BCAR3: variants seen among roughly 807,000 people sequenced by gnomAD.
BCAR3 encodes the protein BCAR3 adaptor protein, NSP family member, also known as breast cancer anti-estrogen resistance protein 3.
In BCAR3, 37 loss-of-function variants were observed where a neutral mutation model predicts 80.1. The observed-to-expected ratio is 0.46, with a 90% confidence interval of 0.36 to 0.61. BCAR3 has a LOEUF of 0.61. Ranked by LOEUF, BCAR3 falls within the 20% of genes least tolerant of loss-of-function variation. The pLI, the probability that BCAR3 is intolerant of heterozygous loss-of-function variation, is 0.00. For synonymous variants in BCAR3, 389 were observed against 418.9 expected (o/e 0.93, Z 0.87); for missense variants, 978 against 1,068.2 (o/e 0.92, Z 1.18).
rs74486523 is a variant in BCAR3 at position 93,736,332 on chromosome 1, C to T, written c.-62-30190G>A. On this transcript the variant is annotated intron_variant, in intron 2 of 13. Transcript: ENST00000370244. Reference sequence around the variant, plus strand: ...CCTCCTGAGTAGATGGGATTACAAGCGCGTGCCACTGCACCCAGCTAATTT... The same window carrying T: ...CCTCCTGAGTAGATGGGATTACAAGTGCGTGCCACTGCACCCAGCTAATTT... Among the ~76,000 whole-genome samples the T allele has an allele frequency of 1.8e-4, 27 of 152,292 alleles. No individual in the cohort carries two copies. In the South Asian group the frequency reaches 2.3e-3, roughly 13 times the overall value.
At chr1:93,780,973 G>A (rs897010081) in intron 2 of BCAR3, among the ~76,000 whole-genome samples, 2 of 152,230 alleles carry the variant, frequency 1.3e-5, no homozygotes, top group Non-Finnish European at 2.9e-5. Context: ...CCTGGGTCAA[G>A]TGGGGCTGGC....
intron 2 of BCAR3, among the ~76,000 whole-genome samples, chr1:93,760,167 GAA>G (rs35204994): frequency 6.8e-6 from 1 of 147,846 alleles, no homozygotes; most frequent in Non-Finnish European, 1.5e-5. Context: ...TGGCCCACAG[GAA>G]AAAAAAAAGG....
intron 2 of BCAR3, among the ~76,000 whole-genome samples, chr1:93,716,569 T>C (rs960868074): frequency 2.0e-5 from 3 of 152,208 alleles, no homozygotes; most frequent in African/African-American, 7.2e-5. Flanking sequence ...TGGTTTCAAG[T>C]ACTGCAAGAT....
At chr1:93,691,334 G>A (rs1397371969) in intron 3 of BCAR3, among the ~76,000 whole-genome samples, 5 of 152,242 alleles carry the variant, frequency 3.3e-5, no homozygotes, top group Non-Finnish European at 7.3e-5. Context: ...GTTGCTGAGT[G>A]GGAAAAATGG....
chr1:93,660,336 G>C (rs1571017852), intron 2 of BCAR3, among the ~76,000 whole-genome samples: 1 of 152,202 alleles, frequency 6.6e-6, no homozygotes, highest in South Asian at 2.1e-4. Flanking sequence ...AATGAGACCA[G>C]ATGTTTTCAA....
intron 2 of BCAR3, among the ~76,000 whole-genome samples, chr1:93,739,653 G>A (rs1440585382): frequency 1.3e-5 from 2 of 152,126 alleles, no homozygotes; most frequent in Non-Finnish European, 2.9e-5. Flanking sequence ...CTCCCTACAT[G>A]TTCATTGTGC....
intron 2 of BCAR3, among the ~76,000 whole-genome samples, chr1:93,799,950 T>A (rs1653418450): frequency 6.6e-6 from 1 of 152,212 alleles, no homozygotes; most frequent in African/African-American, 2.4e-5. Context: ...TAAAGGAGTG[T>A]GTAGGGATTT....
At chr1:93,802,425 A>G (rs1653514103) in intron 2 of BCAR3, among the ~76,000 whole-genome samples, 1 of 152,200 alleles carries the variant, frequency 6.6e-6, no homozygotes, top group East Asian at 1.9e-4. Flanking sequence ...ACAGAGCTAA[A>G]TGGCCAAGAT....
chr1:93,698,376 G>C (rs1366417871), intron 3 of BCAR3, among the ~76,000 whole-genome samples: 1 of 152,216 alleles, frequency 6.6e-6, no homozygotes, highest in African/African-American at 2.4e-5. Flanking sequence ...AGAAAGTTTA[G>C]GAGAACATAA....
chr1:93,580,888 C>T lies in BCAR3; in HGVS notation c.1686+1413G>A, dbSNP rs773958726. 1.1e-3 allele frequency among the ~76,000 whole-genome samples: 171 copies of T among 152,264 alleles called. 1 individual carries two copies. The highest frequency in any genetic ancestry group is 6.8e-4 in the Non-Finnish European group (46 of 68,026). ...CAAAAAAATGGTGATGGGCCGGGTG[C>T]GGTGACTCACACCTGTGATCCCAGC... On this transcript the variant is annotated intron_variant, in intron 7 of 11. Coordinates refer to ENST00000260502, the MANE Select transcript of BCAR3 (RefSeq NM_003567.4).
At chr1:93,635,811 T>C (rs1675763358) in intron 3 of BCAR3, among the ~76,000 whole-genome samples, 1 of 152,234 alleles carries the variant, frequency 6.6e-6, no homozygotes, top group African/African-American at 2.4e-5. Context: ...AGCGTGCCAT[T>C]GTTTTTGTAA....
chr1:93,762,474 T>C (rs60299665), intron 2 of BCAR3, among the ~76,000 whole-genome samples: 17,804 of 152,154 alleles, frequency 0.12, 1,465 homozygotes, highest in African/African-American at 0.22. Flanking sequence ...GCAGTAGCAG[T>C]GGATGCAGAC....
intron 8 of BCAR3, among the ~76,000 whole-genome samples, chr1:93,573,084 GGA>G (rs1673284983): frequency 1.3e-5 from 2 of 152,144 alleles, no homozygotes; most frequent in African/African-American, 4.8e-5. Context: ...GTTGTGAGAA[GGA>G]GAGACTGTGT....
chr1:93,797,915 C>T (rs527851594), intron 2 of BCAR3, among the ~76,000 whole-genome samples: 1 of 152,136 alleles, frequency 6.6e-6, no homozygotes, highest in African/African-American at 2.4e-5. Context: ...ATATTTATAA[C>T]CCTGAGCTGG....
At chr1:93,578,272 G>A (rs889852499) in intron 7 of BCAR3, among the ~76,000 whole-genome samples, 1 of 152,170 alleles carries the variant, frequency 6.6e-6, no homozygotes, top group East Asian at 1.9e-4. Flanking sequence ...AATGCCATGA[G>A]ATTGCCTGGC....
chr1:93,576,651 G>A (rs536879060), intron 7 of BCAR3, among the ~76,000 whole-genome samples: 22 of 152,292 alleles, frequency 1.4e-4, no homozygotes, highest in African/African-American at 5.1e-4. Context: ...TGCTCTATAC[G>A]TCTGGAAACT....
chr1:93,830,474 C>A (rs1571156692), intron 2 of BCAR3, among the ~76,000 whole-genome samples: 1 of 152,174 alleles, frequency 6.6e-6, no homozygotes, highest in Non-Finnish European at 1.5e-5. Flanking sequence ...TCCCGCCCCA[C>A]CTTAACTGAG....
chr1:93,675,382 G>A (rs1648424506), intron 1 of BCAR3, among the ~76,000 whole-genome samples: 1 of 152,222 alleles, frequency 6.6e-6, no homozygotes, highest in East Asian at 1.9e-4. Context: ...TGCTAGAATT[G>A]TCTTCAGTGC....
At position 93,582,281 on chromosome 1, in the gene BCAR3, C is replaced by A. The variant is rs371294831; in HGVS notation, c.1686+20G>T. The stretch of plus-strand genomic sequence containing the variant: ...CAAACCTTGAAAAGCCAGAGGAGCA[C>A]CAGGACCCCCAGCGCTTACCCTGCA... On this transcript the variant is annotated intron_variant, in intron 7 of 11. Transcript: ENST00000260502. 1 of 1,601,724 alleles carries A rather than the reference C, an allele frequency of 6.2e-7. No individual in the cohort carries two copies.
Sources: gnomAD v4.1 joint callset for allele counts (sites outside exome capture counted in the v4.1 genomes callset) on GRCh38, gnomAD v4.1.1 for gene constraint, MANE v1.5 for transcripts, NCBI Gene and HGNC (gene_info 2026-07-23, HGNC 2026-07-21) for gene names.